The following ROBO2 variants were observed in gnomAD, a reference collection of about 807,000 sequenced individuals.
ROBO2 encodes the protein roundabout guidance receptor 2.
Under a neutral mutation model 160.8 loss-of-function variants are expected in ROBO2, and 53 were observed. The ratio of observed to expected loss-of-function variants is 0.33; its 90% CI spans 0.26 to 0.41. The LOEUF (loss-of-function observed/expected upper bound fraction) is 0.41. ROBO2 is among the 10% of genes least tolerant of loss of function. The pLI is 1.00. For missense variants in ROBO2, 1,577 were observed against 1,722.4 expected (o/e 0.92, Z 1.49); for synonymous variants, 664 against 611.7 (o/e 1.09, Z -1.26).
intron 2 of ROBO2, among the ~76,000 whole-genome samples, chr3:76,796,495 G>GGAAA: frequency 7.0e-5 from 9 of 128,472 alleles, no homozygotes; most frequent in African/African-American, 3.1e-4. Flanking sequence ...AAGGAAGGAA[G>GGAAA]GAAGGAAAGA....
intron 2 of ROBO2, among the ~76,000 whole-genome samples, chr3:76,283,723 G>A (rs1186674404): frequency 1.3e-5 from 2 of 151,986 alleles, no homozygotes; most frequent in Admixed American, 6.6e-5. Context: ...ATGCTGAGAT[G>A]TACTCTTGGC....
intron 2 of ROBO2, among the ~76,000 whole-genome samples, chr3:77,435,185 T>A (rs568295758): frequency 1.3e-5 from 2 of 151,964 alleles, no homozygotes; most frequent in African/African-American, 2.4e-5. Context: ...ATAGATAACA[T>A]AAGGCTAATT....
chr3:77,185,995 A>G (rs1039230633), intron 2 of ROBO2, among the ~76,000 whole-genome samples: 1 of 151,960 alleles, frequency 6.6e-6, no homozygotes, highest in Non-Finnish European at 1.5e-5. Context: ...GCAAAGGCAT[A>G]AGAATGACAC....
chr3:76,814,599 T>C (rs1170807818), intron 2 of ROBO2, among the ~76,000 whole-genome samples: 2 of 151,910 alleles, frequency 1.3e-5, no homozygotes, highest in Non-Finnish European at 2.9e-5. Flanking sequence ...ATCGGTTTTT[T>C]TTGTCATTGA....
chr3:77,474,584 T>G lies in ROBO2; in HGVS notation c.389-2830T>G, dbSNP rs150286690. On this transcript the variant is annotated intron_variant, in intron 2 of 25. Transcript: ENST00000461745. ...CACACACTGTGGTATGTGCTCTTCTTTTGACATACGTGTCAAGTCACACTT... is the reference window on the plus strand; with the variant it reads ...CACACACTGTGGTATGTGCTCTTCTGTTGACATACGTGTCAAGTCACACTT... Among the ~76,000 whole-genome samples, 519 of 152,142 alleles carry G rather than the reference T, an allele frequency of 3.4e-3. 6 individuals are homozygous for G. Among genetic ancestry groups the G allele is most frequent in the African/African-American group, 0.012 (493 of 41,480 alleles).
intron 2 of ROBO2, among the ~76,000 whole-genome samples, chr3:75,956,063 A>T (rs1221609710): frequency 2.6e-5 from 4 of 151,766 alleles, no homozygotes; most frequent in Admixed American, 6.6e-5. Context: ...GCTTTACATC[A>T]CTGTTGGCAC....
At chr3:77,252,807 C>CAAAAAAAAAAAAAAAAA (rs1182786373) in intron 2 of ROBO2, among the ~76,000 whole-genome samples, 3 of 32,058 alleles carry the variant, frequency 9.4e-5, no homozygotes, top group African/African-American at 4.3e-4. Flanking sequence ...GACTCCATCT[C>CAAAAAAAAAAAAAAAAA]AAAAAAAAAA....
At chr3:76,832,658 C>T (rs2067190370) in intron 2 of ROBO2, among the ~76,000 whole-genome samples, 1 of 152,032 alleles carries the variant, frequency 6.6e-6, no homozygotes, top group African/African-American at 2.4e-5. Flanking sequence ...AAAATACATT[C>T]AAGGTCAAGA....
intron 1 of ROBO2, among the ~76,000 whole-genome samples, chr3:75,924,958 G>T (rs1181256410): frequency 6.6e-6 from 1 of 151,850 alleles, no homozygotes; most frequent in Non-Finnish European, 1.5e-5. Flanking sequence ...AAAGTGCTGG[G>T]ATTACAGGCG....
At chr3:76,734,803 C>T (rs1010170118) in intron 2 of ROBO2, among the ~76,000 whole-genome samples, 5 of 152,128 alleles carry the variant, frequency 3.3e-5, no homozygotes, top group East Asian at 3.9e-4. Context: ...AGATCAGCAC[C>T]CCCAAAACTG....
intron 2 of ROBO2, among the ~76,000 whole-genome samples, chr3:76,570,741 G>C (rs2084905513): frequency 6.6e-6 from 1 of 152,100 alleles, no homozygotes; most frequent in Admixed American, 6.5e-5. Context: ...TTAATAACTT[G>C]TGCAAGAATC....
At chr3:75,962,948 C>T (rs1359412687) in intron 2 of ROBO2, among the ~76,000 whole-genome samples, 5 of 151,756 alleles carry the variant, frequency 3.3e-5, no homozygotes, top group African/African-American at 1.2e-4. Context: ...CATTAACGAT[C>T]ATTCCTTCTA....
At chr3:77,207,206 T>C (rs867580782) in intron 2 of ROBO2, among the ~76,000 whole-genome samples, 86 of 152,202 alleles carry the variant, frequency 5.7e-4, no homozygotes, top group African/African-American at 1.9e-3. Flanking sequence ...TCTCTAATCG[T>C]CTCTCTTATA....
chr3:77,454,927 C>T (rs1262546995), intron 2 of ROBO2, among the ~76,000 whole-genome samples: 3 of 152,084 alleles, frequency 2.0e-5, no homozygotes, highest in African/African-American at 7.2e-5. Context: ...TTCCTACAGC[C>T]AGGCTGAGAC....
chr3:76,838,289 T>C (rs1459576852), intron 2 of ROBO2, among the ~76,000 whole-genome samples: 1 of 152,112 alleles, frequency 6.6e-6, no homozygotes, highest in Non-Finnish European at 1.5e-5. Context: ...GTATTGGCCT[T>C]AATTCCTGGG....
intron 24 of ROBO2, among the ~76,000 whole-genome samples, chr3:77,641,128 C>G (rs2095344886): frequency 6.6e-6 from 1 of 152,188 alleles, no homozygotes; most frequent in Admixed American, 6.5e-5. Context: ...ATAAAGGAAA[C>G]ACCAAACTCA....
chr3:76,126,161 G>A (rs1433013703), intron 2 of ROBO2, among the ~76,000 whole-genome samples: 2 of 152,216 alleles, frequency 1.3e-5, no homozygotes, highest in East Asian at 1.9e-4. Context: ...TCAGTATTTG[G>A]TAACAAGGAA....
At chr3:77,528,170 A>G (rs1350786069) in intron 6 of ROBO2, among the ~76,000 whole-genome samples, 1 of 151,694 alleles carries the variant, frequency 6.6e-6, no homozygotes, top group African/African-American at 2.4e-5. Context: ...CTTAAGTTTA[A>G]TTCACCAATA....
intron 2 of ROBO2, among the ~76,000 whole-genome samples, chr3:77,204,876 A>G (rs2083263562): frequency 6.6e-6 from 1 of 152,214 alleles, no homozygotes; most frequent in Non-Finnish European, 1.5e-5. Flanking sequence ...CAGCAGTTCA[A>G]CTGAAACGCG....
Sources: gnomAD v4.1 joint callset for allele counts (sites outside exome capture counted in the v4.1 genomes callset) on GRCh38, gnomAD v4.1.1 for gene constraint, MANE v1.5 for transcripts, NCBI Gene and HGNC (gene_info 2026-07-23, HGNC 2026-07-21) for gene names.